The following SEPTIN5 variants were observed in gnomAD, a reference collection of about 807,000 sequenced individuals.
The protein encoded by SEPTIN5 is septin 5.
A neutral mutation model predicts 51.2 loss-of-function variants in SEPTIN5; 16 were observed. The ratio of observed to expected loss-of-function variants is 0.31; its 90% CI spans 0.21 to 0.47. SEPTIN5 has a LOEUF of 0.47. Among genes scored for constraint, SEPTIN5 ranks in the 20% least tolerant of loss-of-function variants. The pLI is 0.99. For synonymous variants in SEPTIN5, 208 were observed against 191.2 expected, an observed-to-expected ratio of 1.09 and a Z score of -0.72; for missense variants, 376 against 500.3, an observed-to-expected ratio of 0.75 and a Z score of 2.37.
chr22:19,718,733 C>T, intron 2 of SEPTIN5: 1 of 1,242,820 alleles, frequency 8.0e-7, no homozygotes, highest in African/African-American at 1.5e-5. Context: ...GGGGGGGTCG[C>T]CGCGATGGAC....
chr22:19,721,555 G>A (rs1432746805), intron 8 of SEPTIN5, 85 bp from the exon 9 acceptor site: 4 of 1,418,398 alleles, frequency 2.8e-6, no homozygotes, highest in Non-Finnish European at 3.9e-6. Flanking sequence ...CTGGAGGGGT[G>A]CCCCGGGAGT....
chr22:19,723,140 C>T lies in SEPTIN5; in HGVS notation c.*656C>T, dbSNP rs1601246981. 5.4e-6 allele frequency: 3 copies of T among 556,846 alleles called. No homozygotes were observed. The highest frequency in any genetic ancestry group is 4.4e-5 in the Admixed American group (2 of 45,660). 34.5% of individuals were successfully genotyped at this position (556,846 alleles called of 1,614,324 possible). ...ACCTCCTGGCAACTCTCGGTGCCGT[C>T]CCCTGCCCTCGCTCGAGGCCTCTTC... On this transcript the variant is annotated 3_prime_UTR_variant, in exon 12 of 12. Transcript: ENST00000455784.
chr22:19,721,997 C>T (rs1269410566), intron 10 of SEPTIN5, 40 bp downstream of exon 10: 1 of 1,579,650 alleles, frequency 6.3e-7, no homozygotes, highest in Admixed American at 1.7e-5. Context: ...GCCCCTCTGG[C>T]CCCGCCCACG....
chr22:19,722,126 G>A, intron 10 of SEPTIN5, 111 bp from the exon 11 acceptor site: 2 of 1,192,250 alleles, frequency 1.7e-6, no homozygotes, highest in Non-Finnish European at 2.3e-6. Context: ...GGGCTGTGAG[G>A]GCTCCGGAGG....
At chr22:19,715,177 C>T (rs1483952215) in intron 2 of SEPTIN5, among the ~76,000 whole-genome samples, 1 of 152,262 alleles carries the variant, frequency 6.6e-6, no homozygotes, top group Non-Finnish European at 1.5e-5. Flanking sequence ...TCAGCCAGCA[C>T]AGTCCCTGAA....
chr22:19,720,192 A>C lies in SEPTIN5; in HGVS notation c.316A>C (p.Ile106Leu). 6.2e-7 allele frequency: 1 copy of C among 1,613,574 alleles called. No individual in the cohort carries two copies. The highest frequency in any genetic ancestry group is 8.5e-7 in the Non-Finnish European group (1 of 1,180,012). Residue 106 changes from isoleucine to leucine, a missense_variant, in exon 5 of 12, where the codon ATC becomes CTC. Physicochemically the swap from Ile to Leu is conservative, Grantham distance 5. Coordinates refer to ENST00000455784, the MANE Select transcript of SEPTIN5 (RefSeq NM_002688.6). ...GAAGGGAGTCAAGCTGAAGCTCACC[A>C]TCGTGGACACGCCGGGATTCGGGGA... is the stretch of plus-strand genomic sequence containing the variant. Reference protein sequence around the residue: ...EEKGVKLKLTIVDTPGFGDAV... With the variant: ...EEKGVKLKLTLVDTPGFGDAV...
At chr22:19,721,471 C>T (rs1021764815) in intron 8 of SEPTIN5, among the ~76,000 whole-genome samples, 169 bp from the exon 9 acceptor site, 1 of 152,134 alleles carries the variant, frequency 6.6e-6, no homozygotes. Flanking sequence ...TGGGCTCTGG[C>T]TCCAGCCAGG....
At chr22:19,721,502 G>A in intron 8 of SEPTIN5, 138 bp from the exon 9 acceptor site, 1 of 943,382 alleles carries the variant, frequency 1.1e-6, no homozygotes, top group Non-Finnish European at 1.6e-6. Context: ...CCAGAAAGGG[G>A]CAACGCCAGG....
chr22:19,720,044 C>T (rs111635441), intron 4 of SEPTIN5, 71 bp from the exon 5 acceptor site: 365 of 1,609,028 alleles, frequency 2.3e-4, no homozygotes, highest in Non-Finnish European at 2.9e-4. Flanking sequence ...TGGATGAGGA[C>T]GAGGGTCCTG....
chr22:19,721,294 C>T lies in SEPTIN5; in HGVS notation c.718-346C>T, dbSNP rs1316951366. On this transcript the variant is annotated intron_variant, in intron 8 of 11. Transcript: ENST00000455784. Reference sequence around the variant, plus strand: ...GCTAGAGTGATGATGGAGACCATGCCAGGGGCAGGTGGCCACCAGGGCAGG... The same window carrying T: ...GCTAGAGTGATGATGGAGACCATGCTAGGGGCAGGTGGCCACCAGGGCAGG... Among the ~76,000 whole-genome samples, 4 of 151,930 alleles carry T rather than the reference C, an allele frequency of 2.6e-5. No homozygotes were observed. In the East Asian group the frequency reaches 7.8e-4, roughly 30 times the overall value.
Position 19,718,554 on chromosome 22 carries a change from G to A in SEPTIN5, c.55-1048G>A, listed in dbSNP as rs375029527. ...AGGGGGATGGCTCGGTCGGCCTCGG[G>A]GGTCGACGATCCCCCGGGTAGGCGA... On this transcript the variant is annotated intron_variant, in intron 2 of 11. Transcript: ENST00000455784. 2.6e-4 allele frequency: 329 copies of A among 1,287,168 alleles called. 1 individual carries two copies. The Middle Eastern group carries it at 4.5e-3, about 18-fold the overall frequency. The allele number at this position is 1,287,168 out of a possible 1,614,324, so 79.7% of individuals were successfully genotyped here. A position where few individuals can be genotyped will look rare whatever the true frequency, so the allele number is the denominator to read the frequency against.
intron 8 of SEPTIN5, among the ~76,000 whole-genome samples, chr22:19,721,206 A>G (rs1226957279): frequency 6.6e-6 from 1 of 152,202 alleles, no homozygotes; most frequent in Non-Finnish European, 1.5e-5. Flanking sequence ...GGGCTGCCCC[A>G]GTGGCACACC....
chr22:19,717,924 G>GCGCA lies in SEPTIN5; in HGVS notation c.55-1659_55-1656dup, dbSNP rs200360342. Reference sequence around the variant, plus strand: ...CGCACGGACGCGCACACACAAACGCGCGCACGCACGCACGCACGCACGGGG... The same window carrying GCGCA: ...CGCACGGACGCGCACACACAAACGCGCGCACGCACGCACGCACGCACGCACGGGG... On this transcript the variant is annotated intron_variant, in intron 2 of 11. Coordinates refer to ENST00000455784, the MANE Select transcript of SEPTIN5 (RefSeq NM_002688.6). 307 of 156,180 alleles carry GCGCA rather than the reference G, an allele frequency of 2.0e-3. 4 individuals are homozygous for GCGCA. The East Asian group carries it at 0.027, about 14-fold the overall frequency. The allele number at this position is 156,180 out of a possible 1,614,324, so 9.7% of individuals were successfully genotyped here.
intron 2 of SEPTIN5, chr22:19,718,815 C>A: frequency 1.6e-6 from 2 of 1,237,566 alleles, no homozygotes; most frequent in East Asian, 3.1e-5. Context: ...AGAGGCGGCT[C>A]AAGGTGCGTG....
chr22:19,719,019 G>A (rs1312748644), intron 2 of SEPTIN5: 8 of 509,770 alleles, frequency 1.6e-5, no homozygotes, highest in Non-Finnish European at 2.4e-5. Context: ...CCAAAACGCG[G>A]CGGAGAATGC....
At position 19,714,854 on chromosome 22, in the gene SEPTIN5, A is replaced by G. The variant is rs1935891940; in HGVS notation, c.54+63A>G. ...GCCGGCTGTCACCCATTGTGACACT[A>G]GCGCCTTGGGCGCCCAGGCGCGACC... On this transcript the variant is annotated intron_variant, in intron 2 of 11. Coordinates refer to ENST00000455784, the MANE Select transcript of SEPTIN5 (RefSeq NM_002688.6). This position sits in a 1 kb window ranked among gnomAD's most constrained non-coding sequence, Gnocchi z 5.2. 11 of 1,531,034 alleles carry G rather than the reference A, an allele frequency of 7.2e-6. No individual in the cohort carries two copies. The highest frequency in any genetic ancestry group is 9.7e-6 in the Non-Finnish European group (11 of 1,137,482). The allele number at this position is 1,531,034 out of a possible 1,614,324, so 94.8% of individuals were successfully genotyped here.
Position 19,720,983 on chromosome 22 carries a change from G to A in SEPTIN5, c.717+114G>A, listed in dbSNP as rs375431451. 3.5e-4 allele frequency: 306 copies of A among 864,326 alleles called. 3 individuals carry two copies. The East Asian group carries it at 5.3e-3, about 15-fold the overall frequency. The allele number at this position is 864,326 out of a possible 1,614,324, so 53.5% of individuals were successfully genotyped here. A position where few individuals can be genotyped will look rare whatever the true frequency, so the allele number is the denominator to read the frequency against. ...GAGGAGGGCCAGGTCAGCCCAGTTG[G>A]GTGCAAGAGTCATTTGTTCTAGGAG... On this transcript the variant is annotated intron_variant, in intron 8 of 11. Coordinates refer to ENST00000455784, the MANE Select transcript of SEPTIN5 (RefSeq NM_002688.6).
At chr22:19,718,368 TC>T (rs1390275591) in intron 2 of SEPTIN5, 1 of 1,007,078 alleles carries the variant, frequency 9.9e-7, no homozygotes, top group Non-Finnish European at 1.2e-6. Flanking sequence ...CGGCCCAATT[TC>T]CAGGCGACCG....
intron 2 of SEPTIN5, 58 bp from the exon 3 acceptor site, chr22:19,719,542 CAG>C: frequency 7.3e-7 from 1 of 1,368,784 alleles, no homozygotes; most frequent in Non-Finnish European, 1.0e-6. Flanking sequence ...TGGTAAGAGA[CAG>C]GGTATTGGGC....
Sources: gnomAD v4.1 joint callset for allele counts (sites outside exome capture counted in the v4.1 genomes callset) on GRCh38, gnomAD v4.1.1 for gene constraint, Gnocchi (gnomAD v3.1) non-coding constraint, MANE v1.5 for transcripts, NCBI Gene and HGNC (gene_info 2026-07-23, HGNC 2026-07-21) for gene names.